The following EDDM3A variants were observed in gnomAD, a reference collection of about 807,000 sequenced individuals.
EDDM3A encodes epididymal protein 3A.
For missense variants in EDDM3A, 199 were observed against 177.4 expected (o/e 1.12, Z -0.69); for synonymous variants, 75 against 60.4 (o/e 1.24, Z -1.12).
At chr14:20,743,261 A>G (rs1352692259), upstream of EDDM3A, among the ~76,000 whole-genome samples, 1 of 152,168 alleles carries the variant, frequency 6.6e-6, no homozygotes, top group Non-Finnish European at 1.5e-5. Flanking sequence ...CTAACAAAAG[A>G]AATATTGGCT....
the EDDM3A span, among the ~76,000 whole-genome samples, chr14:20,738,585 T>G: frequency 6.6e-6 from 1 of 152,162 alleles, no homozygotes. Flanking sequence ...TAAATACTCT[T>G]CAAAATATAG....
upstream of EDDM3A, among the ~76,000 whole-genome samples, chr14:20,743,566 A>G (rs971340889): frequency 7.7e-5 from 11 of 143,368 alleles, no homozygotes; most frequent in African/African-American, 3.3e-4. Context: ...ATAAAAGGAC[A>G]TATCAAGGAA....
At chr14:20,743,271 T>C (rs1239070229), upstream of EDDM3A, among the ~76,000 whole-genome samples, 1 of 152,196 alleles carries the variant, frequency 6.6e-6, no homozygotes, top group East Asian at 1.9e-4. Flanking sequence ...AAATATTGGC[T>C]TGGTGCGGTG....
At chr14:20,738,746 A>C in the EDDM3A span, among the ~76,000 whole-genome samples, 1 of 152,218 alleles carries the variant, frequency 6.6e-6, no homozygotes, top group Admixed American at 6.5e-5. Flanking sequence ...AGTATCTCAC[A>C]GAGGTGGCTA....
upstream of EDDM3A, among the ~76,000 whole-genome samples, chr14:20,741,126 G>A (rs1025832771): frequency 3.3e-5 from 5 of 152,142 alleles, no homozygotes; most frequent in Admixed American, 2.0e-4. Flanking sequence ...CTGGACCAAT[G>A]TTCAAACCTG....
chr14:20,737,054 CTTTTTTTT>C, the EDDM3A span, among the ~76,000 whole-genome samples: 1 of 109,964 alleles, frequency 9.1e-6, no homozygotes, highest in Admixed American at 9.0e-5. Flanking sequence ...TTTCTTTTTC[CTTTTTTTT>C]TTTTTTTTGA....
Position 20,747,954 on chromosome 14 carries a change from T to C in EDDM3A, c.374T>C (p.Phe125Ser), listed in dbSNP as rs1171884812. The C allele has an allele frequency of 6.2e-7, 1 of 1,614,042 alleles. No homozygotes were observed. The highest frequency in any genetic ancestry group is 1.1e-5 in the South Asian group (1 of 91,046). Residue 125 changes from phenylalanine to serine, a missense_variant, in exon 2 of 2, where the codon TTC (phenylalanine) becomes TCC (serine). Transcript: ENST00000326842. ...TESRSFSYIE[F>S]HCGVDGYVDN... ...AGCAGAAGCTTCAGCTACATTGAAT[T>C]CCATTGTGGCGTAGATGGATATGTT...
chr14:20,737,828 T>C, the EDDM3A span, among the ~76,000 whole-genome samples: 1 of 152,216 alleles, frequency 6.6e-6, no homozygotes. Flanking sequence ...TTGCTAACTG[T>C]AGGAGAGAGA....
the EDDM3A span, among the ~76,000 whole-genome samples, chr14:20,737,471 G>A: frequency 2.6e-5 from 4 of 152,062 alleles, no homozygotes; most frequent in Non-Finnish European, 4.4e-5. Flanking sequence ...TACACACGCG[G>A]GATGAGAAAG....
At chr14:20,740,416 G>C in the EDDM3A span, among the ~76,000 whole-genome samples, 2 of 152,206 alleles carry the variant, frequency 1.3e-5, no homozygotes, top group Non-Finnish European at 2.9e-5. Flanking sequence ...ACTTGCAGGG[G>C]AGAAGGGGTT....
Position 20,747,643 on chromosome 14 carries a change from G to T in EDDM3A, c.63G>T (p.Leu21=), listed in dbSNP as rs146899571. The T allele has an allele frequency of 6.2e-7, 1 of 1,614,096 alleles. No individual in the cohort carries two copies. Among genetic ancestry groups the T allele is most frequent in the Admixed American group, 1.7e-5 (1 of 60,010 alleles). Residue 21 remains leucine (L), a synonymous_variant, in exon 2 of 2, where the codon CTG becomes CTT. Coordinates refer to ENST00000326842, the MANE Select transcript of EDDM3A (RefSeq NM_006683.5). ...LLALLCILCR[L]CVYSNNIYWR... Reference sequence around the variant, plus strand: ...CCCTGCTTTGCATCCTTTGCAGGCTGTGTGTATACAGTAACAACATTTACT... The same window carrying T: ...CCCTGCTTTGCATCCTTTGCAGGCTTTGTGTATACAGTAACAACATTTACT...
chr14:20,738,328 G>A, the EDDM3A span, among the ~76,000 whole-genome samples: 12 of 151,958 alleles, frequency 7.9e-5, no homozygotes, highest in South Asian at 2.1e-4. Flanking sequence ...AAAATTAGCC[G>A]GGCGTGGCGA....
upstream of EDDM3A, among the ~76,000 whole-genome samples, chr14:20,741,420 G>C (rs147996852): frequency 6.4e-4 from 98 of 152,296 alleles, 1 homozygote; most frequent in East Asian, 6.0e-3. Flanking sequence ...CAGAGACCTG[G>C]TCTGAACCAA....
At chr14:20,746,992 G>A (rs1042519982) in intron 1 of EDDM3A, among the ~76,000 whole-genome samples, 7 of 152,190 alleles carry the variant, frequency 4.6e-5, no homozygotes, top group Non-Finnish European at 1.0e-4. Flanking sequence ...GTAGAAGACA[G>A]GGTAGACAGG....
At chr14:20,743,328 T>C (rs1182608205), upstream of EDDM3A, among the ~76,000 whole-genome samples, 2 of 152,158 alleles carry the variant, frequency 1.3e-5, no homozygotes, top group Admixed American at 1.3e-4. Flanking sequence ...GGCGGGTGGA[T>C]CACCTGAGGT....
intron 1 of EDDM3A, 55 bp downstream of exon 1, chr14:20,746,047 G>A (rs1458634579): frequency 6.6e-6 from 1 of 152,266 alleles, no homozygotes; most frequent in African/African-American, 2.4e-5. Flanking sequence ...ACTGGAAGGA[G>A]GCTGATTGAA....
At chr14:20,744,895 C>G (rs769602165), upstream of EDDM3A, among the ~76,000 whole-genome samples, 3 of 152,156 alleles carry the variant, frequency 2.0e-5, no homozygotes, top group Non-Finnish European at 4.4e-5. Flanking sequence ...TCTTTCACCT[C>G]TCAATGAAGG....
the EDDM3A span, among the ~76,000 whole-genome samples, chr14:20,740,291 T>C: frequency 6.6e-6 from 1 of 152,248 alleles, no homozygotes; most frequent in Non-Finnish European, 1.5e-5. Context: ...TGGAGGGTCC[T>C]CATGGGCATT....
chr14:20,741,733 C>A (rs1176355965), upstream of EDDM3A, among the ~76,000 whole-genome samples: 4 of 152,228 alleles, frequency 2.6e-5, no homozygotes, highest in Middle Eastern at 6.8e-3. Context: ...TAATAAGGAT[C>A]AAAAATGATG....
Sources: gnomAD v4.1 joint callset for allele counts (sites outside exome capture counted in the v4.1 genomes callset) on GRCh38, gnomAD v4.1.1 for gene constraint, MANE v1.5 for transcripts, NCBI Gene and HGNC (gene_info 2026-07-23, HGNC 2026-07-21) for gene names.